The following FBXW7 variants were observed in gnomAD, a reference collection of about 807,000 sequenced individuals.
FBXW7 encodes the protein F-box/WD repeat-containing protein 7.
In FBXW7, 11 loss-of-function variants were observed where a neutral mutation model predicts 86.3. The ratio of observed to expected loss-of-function variants is 0.13; its 90% CI spans 0.08 to 0.21. The LOEUF is 0.21. FBXW7 is among the 10% of genes least tolerant of loss of function. The probability of loss-of-function intolerance (pLI) is 1.00; values close to 1 mark genes in which losing one functional copy is unlikely to be tolerated. For synonymous variants in FBXW7, 313 were observed against 297.9 expected (o/e 1.05, Z -0.52); for missense variants, 488 against 847.4 (o/e 0.58, Z 5.27).
At chr4:152,434,163 G>C (rs1467796918) in intron 2 of FBXW7, among the ~76,000 whole-genome samples, 1 of 152,192 alleles carries the variant, frequency 6.6e-6, no homozygotes, top group Non-Finnish European at 1.5e-5. Flanking sequence ...ATCCCCTGCA[G>C]ATACTGAGGG....
At chr4:152,479,174 A>G (rs1344731133) in intron 2 of FBXW7, among the ~76,000 whole-genome samples, 1 of 152,168 alleles carries the variant, frequency 6.6e-6, no homozygotes, top group East Asian at 1.9e-4. Context: ...AATGGAGACG[A>G]ACCTCCTAAG....
intron 4 of FBXW7, among the ~76,000 whole-genome samples, chr4:152,365,155 C>T (rs1016859827): frequency 3.9e-5 from 6 of 152,046 alleles, no homozygotes; most frequent in Middle Eastern, 3.4e-3. Flanking sequence ...GAGCTAGGTT[C>T]GGAGCAGGGA....
chr4:152,437,513 T>G (rs928435062), intron 2 of FBXW7, among the ~76,000 whole-genome samples: 1 of 152,202 alleles, frequency 6.6e-6, no homozygotes, highest in Non-Finnish European at 1.5e-5. Flanking sequence ...GGATAAGGTG[T>G]TGTTTCTTCT....
chr4:152,330,649 T>G lies in FBXW7; in HGVS notation c.1122+83A>C. The stretch of plus-strand genomic sequence containing the variant: ...CTTTCTACAGAAGAGGAGTGTCATA[T>G]TATACAGTTTGCCAAGTGAAATAGT... On this transcript the variant is annotated intron_variant, in intron 9 of 13. Coordinates refer to ENST00000281708, the MANE Select transcript of FBXW7 (RefSeq NM_001349798.2). 4 of 1,248,466 alleles carry G rather than the reference T, an allele frequency of 3.2e-6. No individual in the cohort carries two copies. In the South Asian group the frequency reaches 8.0e-5, roughly 25 times the overall value. The allele number at this position is 1,248,466 out of a possible 1,614,324, so 77.3% of individuals were successfully genotyped here. A position where few individuals can be genotyped will look rare whatever the true frequency, so the allele number is the denominator to read the frequency against.
At chr4:152,505,541 A>G (rs941513970) in intron 2 of FBXW7, among the ~76,000 whole-genome samples, 1 of 152,070 alleles carries the variant, frequency 6.6e-6, no homozygotes, top group Non-Finnish European at 1.5e-5. Context: ...TTAACTTTCA[A>G]AACTGTTTTA....
rs879866557 is a variant in FBXW7 at position 152,366,900 on chromosome 4, G to A, written c.502-16776C>T. On this transcript the variant is annotated intron_variant, in intron 4 of 13. Transcript: ENST00000281708. ...CCAAATGTCCATCAATGATAGACTG[G>A]ATTAAGAAAATGTGGCAAATATACA... Among the ~76,000 whole-genome samples the A allele has an allele frequency of 4.6e-5, 7 of 152,182 alleles. 1 individual carries two copies. Among genetic ancestry groups the A allele is most frequent in the African/African-American group, 7.2e-5 (3 of 41,436 alleles).
chr4:152,345,664 A>T (rs1323858939), intron 6 of FBXW7, among the ~76,000 whole-genome samples: 4 of 152,158 alleles, frequency 2.6e-5, no homozygotes, highest in Non-Finnish European at 5.9e-5. Context: ...TTACCAACCA[A>T]AAAAAGGTTA....
intron 4 of FBXW7, among the ~76,000 whole-genome samples, chr4:152,403,936 A>G (rs941809679): frequency 6.6e-6 from 1 of 152,248 alleles, no homozygotes; most frequent in African/African-American, 2.4e-5. Flanking sequence ...TCAAGGCTAA[A>G]GAACTCTTCA....
At chr4:152,348,714 AT>A in intron 5 of FBXW7, 1 of 1,174,838 alleles carries the variant, frequency 8.5e-7, no homozygotes, top group Non-Finnish European at 1.1e-6. Context: ...AGACTGATAC[AT>A]TTAAAAAATA....
intron 2 of FBXW7, among the ~76,000 whole-genome samples, chr4:152,430,428 A>G (rs1458566969): frequency 6.6e-6 from 1 of 152,098 alleles, no homozygotes; most frequent in Non-Finnish European, 1.5e-5. Flanking sequence ...ATTACATAAG[A>G]TATTGTTTAC....
At chr4:152,533,465 G>A (rs1471567762) in intron 2 of FBXW7, among the ~76,000 whole-genome samples, 1 of 152,078 alleles carries the variant, frequency 6.6e-6, no homozygotes, top group Non-Finnish European at 1.5e-5. Flanking sequence ...TTTCATGTCA[G>A]TACACATTTA....
chr4:152,500,184 T>G lies in FBXW7; in HGVS notation c.-120+34757A>C, dbSNP rs554816738. On this transcript the variant is annotated intron_variant, in intron 2 of 13. Transcript: ENST00000281708. ...AATACTGGAGAGGGAATAGGGGAGG[T>G]AAGTGAATGGTCACAGTGATAAATC... is the stretch of plus-strand genomic sequence containing the variant. Among the ~76,000 whole-genome samples, 8 of 152,238 alleles carry G rather than the reference T, an allele frequency of 5.3e-5. No individual in the cohort carries two copies. The East Asian group carries it at 1.2e-3, about 22-fold the overall frequency.
intron 4 of FBXW7, among the ~76,000 whole-genome samples, chr4:152,359,770 CA>C (rs1183750225): frequency 6.0e-5 from 9 of 151,236 alleles, no homozygotes; most frequent in Non-Finnish European, 1.3e-4. Context: ...TCTCAAAAAA[CA>C]AAAAAAACCC....
At chr4:152,349,075 G>A (rs976359447) in intron 5 of FBXW7, among the ~76,000 whole-genome samples, 13 of 151,964 alleles carry the variant, frequency 8.6e-5, no homozygotes, top group Admixed American at 3.9e-4. Flanking sequence ...TTTTACAACT[G>A]AAATAAAAAC....
Position 152,367,171 on chromosome 4 carries a change from A to T in FBXW7, c.502-17047T>A, listed in dbSNP as rs574262105. Among the ~76,000 whole-genome samples the T allele has an allele frequency of 3.9e-5, 6 of 152,258 alleles. No individual in the cohort carries two copies. The South Asian group carries it at 1.2e-3, about 32-fold the overall frequency. On this transcript the variant is annotated intron_variant, in intron 4 of 13. Coordinates refer to ENST00000281708, the MANE Select transcript of FBXW7 (RefSeq NM_001349798.2). ...AGGATAGCATTAGGAGAAATATCTA[A>T]TGTAAATGACAAGTTAATGGGTACA... is the stretch of plus-strand genomic sequence containing the variant.
At position 152,426,353 on chromosome 4, in the gene FBXW7, CTTTTTT is replaced by C. The variant is rs112116648; in HGVS notation, c.-119-13830_-119-13825del. On this transcript the variant is annotated intron_variant, in intron 2 of 13. Coordinates refer to ENST00000281708, the MANE Select transcript of FBXW7 (RefSeq NM_001349798.2). Reference sequence around the variant, plus strand: ...TATTTCCAGAGATAATGGCTACAAACTTTTTTTTTTTTTTTTTAAACAGTCTCGCTC... The same window carrying C: ...TATTTCCAGAGATAATGGCTACAAACTTTTTTTTTTTAAACAGTCTCGCTC... 5.0e-4 allele frequency among the ~76,000 whole-genome samples: 72 copies of C among 143,190 alleles called. 1 individual carries two copies. Among genetic ancestry groups the C allele is most frequent in the African/African-American group, 1.8e-3 (71 of 38,972 alleles). 93.9% of individuals were successfully genotyped at this position (143,190 alleles called of 152,430 possible).
chr4:152,347,702 A>C (rs938357800), intron 5 of FBXW7, among the ~76,000 whole-genome samples: 4 of 152,116 alleles, frequency 2.6e-5, no homozygotes, highest in Non-Finnish European at 5.9e-5. Flanking sequence ...CTTATATGCA[A>C]AACTAAATAA....
chr4:152,513,470 T>C (rs1166171476), intron 2 of FBXW7, among the ~76,000 whole-genome samples: 1 of 152,108 alleles, frequency 6.6e-6, no homozygotes, highest in African/African-American at 2.4e-5. Context: ...AAAGAATACA[T>C]AAATTTAAAC....
intron 4 of FBXW7, among the ~76,000 whole-genome samples, chr4:152,367,766 G>C (rs781410878): frequency 6.6e-6 from 1 of 151,960 alleles, no homozygotes; most frequent in Non-Finnish European, 1.5e-5. Context: ...ACTGAAGAAT[G>C]TTATTACCAT....
Sources: allele counts gnomAD v4.1 joint callset (sites outside exome capture counted in the v4.1 genomes callset), GRCh38; gene constraint gnomAD v4.1.1; transcripts MANE v1.5; gene names NCBI Gene and HGNC (gene_info 2026-07-23, HGNC 2026-07-21).